The following XIRP2 variants were observed in gnomAD, a reference collection of about 807,000 sequenced individuals.
XIRP2 encodes the protein xin actin-binding repeat-containing protein 2.
Under a neutral mutation model 277.0 loss-of-function variants are expected in XIRP2, and 236 were observed. The ratio of observed to expected loss-of-function variants is 0.85; its 90% CI spans 0.77 to 0.95. The LOEUF (loss-of-function observed/expected upper bound fraction) is 0.95, where lower values mean the gene tolerates loss of function less well. Among genes scored for constraint, XIRP2 ranks in the 40% least tolerant of loss-of-function variants. The pLI is 0.00. For missense variants in XIRP2, 4,640 were observed against 4,157.5 expected (o/e 1.12, Z -3.19); for synonymous variants, 1,490 against 1,416.5 (o/e 1.05, Z -1.17).
chr2:167,016,632 C>T (rs1253025826), intron 2 of XIRP2, among the ~76,000 whole-genome samples: 1 of 151,882 alleles, frequency 6.6e-6, no homozygotes, highest in African/African-American at 2.4e-5. Context: ...CTCTGGGAAG[C>T]AGCTGCTAAG....
At chr2:166,943,126 T>G (rs1685763143) in intron 2 of XIRP2, among the ~76,000 whole-genome samples, 1 of 152,108 alleles carries the variant, frequency 6.6e-6, no homozygotes, top group Non-Finnish European at 1.5e-5. Context: ...TTATTCACAA[T>G]AAAAACATTT....
At chr2:167,256,432 T>C (rs1008117815) in intron 10 of XIRP2, among the ~76,000 whole-genome samples, 18 of 151,792 alleles carry the variant, frequency 1.2e-4, no homozygotes, top group Admixed American at 2.6e-4. Context: ...TTTTATCTTT[T>C]ATTTCTATTT....
intron 2 of XIRP2, among the ~76,000 whole-genome samples, chr2:166,919,482 C>T (rs906898747): frequency 1.3e-5 from 2 of 152,280 alleles, no homozygotes; most frequent in Middle Eastern, 3.4e-3. Context: ...ATTTGTGGAA[C>T]ACTGTCAGGA....
intron 2 of XIRP2, among the ~76,000 whole-genome samples, chr2:167,013,749 A>T (rs1480787217): frequency 6.6e-6 from 1 of 151,642 alleles, no homozygotes; most frequent in Non-Finnish European, 1.5e-5. Context: ...TATAGACAGA[A>T]ATCCCAGAAA....
At chr2:167,059,366 T>A (rs1689120553) in intron 2 of XIRP2, among the ~76,000 whole-genome samples, 1 of 151,228 alleles carries the variant, frequency 6.6e-6, no homozygotes, top group Non-Finnish European at 1.5e-5. Flanking sequence ...GATCCGCCCA[T>A]CTCGCTGAAG....
chr2:166,997,301 G>A (rs1205737317), intron 2 of XIRP2, among the ~76,000 whole-genome samples: 4 of 151,296 alleles, frequency 2.6e-5, no homozygotes, highest in Non-Finnish European at 1.5e-5. Flanking sequence ...TTTATTTCTT[G>A]TTTACACAAA....
At chr2:167,224,544 G>C (rs1694537338) in intron 5 of XIRP2, among the ~76,000 whole-genome samples, 3 of 152,070 alleles carry the variant, frequency 2.0e-5, no homozygotes, top group Admixed American at 6.5e-5. Flanking sequence ...CTGTGCCCAG[G>C]CTGGCAATTG....
chr2:167,008,911 A>G (rs7596345), intron 2 of XIRP2, among the ~76,000 whole-genome samples: 21,150 of 151,470 alleles, frequency 0.14, 2,006 homozygotes, highest in East Asian at 0.45. Context: ...TTAACACAAC[A>G]TACTTTTCAC....
At position 167,041,480 on chromosome 2, in the gene XIRP2, A is replaced by C. The variant is rs1488671730; in HGVS notation, c.409-94429A>C. Among the ~76,000 whole-genome samples, 7 of 152,210 alleles carry C rather than the reference A, an allele frequency of 4.6e-5. No individual in the cohort carries two copies. The East Asian group carries it at 1.3e-3, about 29-fold the overall frequency. ...ACAAAATAGCCATTTTAAGAAGTGA[A>C]CTGACCTTCTAGAGTTGAAAAAGCA... On this transcript the variant is annotated intron_variant, in intron 2 of 10. Coordinates refer to ENST00000409195, the MANE Select transcript of XIRP2 (RefSeq NM_152381.6).
intron 2 of XIRP2, chr2:167,123,859 T>A (rs1045064969): frequency 6.6e-6 from 1 of 152,132 alleles, no homozygotes; most frequent in African/African-American, 2.4e-5. Flanking sequence ...TACTGGGGAT[T>A]AGAATTTTAG....
intron 2 of XIRP2, among the ~76,000 whole-genome samples, chr2:166,979,712 C>A (rs955468931): frequency 2.0e-5 from 3 of 151,974 alleles, no homozygotes; most frequent in Admixed American, 6.6e-5. Flanking sequence ...CTTAAGCAAA[C>A]CTTGCATTTT....
At chr2:166,908,929 A>T (rs1684617277) in intron 2 of XIRP2, among the ~76,000 whole-genome samples, 1 of 151,992 alleles carries the variant, frequency 6.6e-6, no homozygotes, top group African/African-American at 2.4e-5. Context: ...ATGGTTGTAG[A>T]TGTGTGCTAT....
At chr2:167,115,830 AAGCTCT>A (rs996882836) in intron 2 of XIRP2, among the ~76,000 whole-genome samples, 1 of 152,154 alleles carries the variant, frequency 6.6e-6, no homozygotes, top group Non-Finnish European at 1.5e-5. Flanking sequence ...ACTGGGTTGG[AAGCTCT>A]AGCAGATGTT....
chr2:167,032,033 A>T (rs1688378187), intron 2 of XIRP2, among the ~76,000 whole-genome samples: 1 of 152,212 alleles, frequency 6.6e-6, no homozygotes, highest in Non-Finnish European at 1.5e-5. Context: ...TGGAAGCATC[A>T]TGCTACCTGA....
chr2:167,218,864 C>A (rs1470850582), intron 5 of XIRP2, among the ~76,000 whole-genome samples: 1 of 151,898 alleles, frequency 6.6e-6, no homozygotes, highest in East Asian at 1.9e-4. Flanking sequence ...TATTATATAT[C>A]ACAAAATACT....
At chr2:167,126,007 A>G (rs915906627) in intron 2 of XIRP2, among the ~76,000 whole-genome samples, 3 of 152,140 alleles carry the variant, frequency 2.0e-5, no homozygotes, top group Admixed American at 1.3e-4. Context: ...CACAGAATGG[A>G]GCACCTACAA....
chr2:167,118,838 C>A (rs1204416134), intron 2 of XIRP2, among the ~76,000 whole-genome samples: 1 of 152,030 alleles, frequency 6.6e-6, no homozygotes, highest in Non-Finnish European at 1.5e-5. Context: ...GGTGAAATAA[C>A]CCACAAATTA....
At chr2:167,255,102 C>A (rs1469561421) in intron 10 of XIRP2, among the ~76,000 whole-genome samples, 2 of 151,684 alleles carry the variant, frequency 1.3e-5, no homozygotes, top group African/African-American at 4.8e-5. Flanking sequence ...CTGTCCATTA[C>A]CAAGATGTAA....
At chr2:167,120,128 G>C (rs1288048943) in intron 2 of XIRP2, among the ~76,000 whole-genome samples, 1 of 152,126 alleles carries the variant, frequency 6.6e-6, no homozygotes, top group Non-Finnish European at 1.5e-5. Context: ...TTGACCAGCT[G>C]TAGTCCAGTA....
Sources: gnomAD v4.1 joint callset for allele counts (sites outside exome capture counted in the v4.1 genomes callset) on GRCh38, gnomAD v4.1.1 for gene constraint, MANE v1.5 for transcripts, NCBI Gene and HGNC (gene_info 2026-07-23, HGNC 2026-07-21) for gene names.